The following FBXW8 variants were observed in gnomAD, a reference collection of about 807,000 sequenced individuals.
FBXW8 encodes F-box and WD repeat domain containing 8.
Under a neutral mutation model 65.3 loss-of-function variants are expected in FBXW8, and 57 were observed. The ratio of observed to expected loss-of-function variants is 0.87; its 90% CI spans 0.71 to 1.09. FBXW8 has a LOEUF of 1.09. Among genes scored for constraint, FBXW8 ranks in the 50% least tolerant of loss-of-function variants. FBXW8 has a pLI of 0.00. For missense variants in FBXW8, 777 were observed against 814.8 expected (o/e 0.95, Z 0.57); for synonymous variants, 308 against 330.2 (o/e 0.93, Z 0.73).
At chr12:116,953,263 T>A (rs1224623050) in intron 4 of FBXW8, among the ~76,000 whole-genome samples, 1 of 152,140 alleles carries the variant, frequency 6.6e-6, no homozygotes, top group Admixed American at 6.5e-5. Flanking sequence ...ACTTTAGAGA[T>A]GATGCGTTCC....
intron 4 of FBXW8, among the ~76,000 whole-genome samples, chr12:116,953,478 A>G (rs1459616245): frequency 6.6e-6 from 1 of 152,194 alleles, no homozygotes; most frequent in East Asian, 1.9e-4. Context: ...CTATTTAAAA[A>G]CAAAAGCAGC....
intron 8 of FBXW8, among the ~76,000 whole-genome samples, chr12:117,017,370 A>G (rs1014625009): frequency 4.6e-5 from 7 of 152,236 alleles, no homozygotes; most frequent in Non-Finnish European, 1.0e-4. Flanking sequence ...ATAGAATTTT[A>G]TGTTCTCTAT....
At chr12:117,014,428 A>T (rs1430478129) in intron 8 of FBXW8, among the ~76,000 whole-genome samples, 2 of 152,186 alleles carry the variant, frequency 1.3e-5, no homozygotes, top group Non-Finnish European at 1.5e-5. Context: ...TAGGGTTGAC[A>T]TCTGTTAATT....
At chr12:117,010,233 A>G in intron 7 of FBXW8, 90 bp from the exon 8 acceptor site, 1 of 1,578,144 alleles carries the variant, frequency 6.3e-7, no homozygotes, top group Non-Finnish European at 8.6e-7. Flanking sequence ...AGTGATAAGG[A>G]TCATGCCCTC....
intron 8 of FBXW8, among the ~76,000 whole-genome samples, chr12:117,023,267 C>T (rs1023341282): frequency 6.6e-6 from 1 of 152,194 alleles, no homozygotes. Context: ...AATCTTACAT[C>T]CTTGTGCTTG....
chr12:116,926,516 G>A (rs1881335563), intron 1 of FBXW8, among the ~76,000 whole-genome samples: 1 of 152,156 alleles, frequency 6.6e-6, no homozygotes, highest in Non-Finnish European at 1.5e-5. Context: ...AGAAAGTGAT[G>A]CCTCTTTTTC....
chr12:116,923,717 AATTT>A (rs567674322), intron 1 of FBXW8, among the ~76,000 whole-genome samples: 1,499 of 140,290 alleles, frequency 0.011, 31 homozygotes, highest in African/African-American at 0.038. Flanking sequence ...TTAATTAATT[AATTT>A]ATTTATTTAT....
intron 1 of FBXW8, among the ~76,000 whole-genome samples, chr12:116,920,162 C>T (rs1481240880): frequency 1.3e-5 from 2 of 152,202 alleles, no homozygotes; most frequent in African/African-American, 4.8e-5. Flanking sequence ...CCCTTTCCCC[C>T]AACTAAAAAG....
At chr12:117,011,513 T>G (rs998540920) in intron 8 of FBXW8, among the ~76,000 whole-genome samples, 1 of 152,206 alleles carries the variant, frequency 6.6e-6, no homozygotes, top group African/African-American at 2.4e-5. Flanking sequence ...CCTCAGTGTG[T>G]GTGTGGGGCA....
rs976605431 is a variant in FBXW8 at position 117,030,224 on chromosome 12, G to A, written c.*2052G>A. The A allele has an allele frequency of 6.6e-6, 1 of 152,236 alleles. No individual in the cohort carries two copies. Among genetic ancestry groups the A allele is most frequent in the African/African-American group, 2.4e-5 (1 of 41,464 alleles). The allele number at this position is 152,236 out of a possible 1,614,324, so 9.4% of individuals were successfully genotyped here. ...TCCAACTACACAGGGGAACGGAGCA[G>A]ATAGAGCTGCGACTGGGAAGCGTCA... On this transcript the variant is annotated 3_prime_UTR_variant, in exon 11 of 11. Coordinates refer to ENST00000652555, the MANE Select transcript of FBXW8 (RefSeq NM_153348.3).
chr12:117,001,226 T>C (rs1953512687), intron 7 of FBXW8, among the ~76,000 whole-genome samples: 1 of 152,300 alleles, frequency 6.6e-6, no homozygotes, highest in African/African-American at 2.4e-5. Flanking sequence ...CGTTATGCCT[T>C]AGGGAGCTGG....
At chr12:116,943,161 A>C (rs1029603638) in intron 2 of FBXW8, among the ~76,000 whole-genome samples, 2 of 152,152 alleles carry the variant, frequency 1.3e-5, no homozygotes, top group African/African-American at 2.4e-5. Flanking sequence ...TATTTGAAAT[A>C]GCTGATTTAA....
chr12:116,985,134 G>T, intron 5 of FBXW8, 72 bp from the exon 6 acceptor site: 1 of 1,381,002 alleles, frequency 7.2e-7, no homozygotes, highest in South Asian at 1.6e-5. Flanking sequence ...CCTTTGTGTT[G>T]CATGTTTTTA....
At chr12:116,932,143 T>C (rs1881818717) in intron 2 of FBXW8, among the ~76,000 whole-genome samples, 1 of 152,226 alleles carries the variant, frequency 6.6e-6, no homozygotes. Flanking sequence ...ATTACATTTA[T>C]AGATTTCTGT....
chr12:116,928,342 T>C (rs1169833741), intron 2 of FBXW8, among the ~76,000 whole-genome samples: 1 of 152,204 alleles, frequency 6.6e-6, no homozygotes, highest in South Asian at 2.1e-4. Flanking sequence ...CAAGAGCTCT[T>C]TTCTCCCTGC....
intron 1 of FBXW8, among the ~76,000 whole-genome samples, chr12:116,921,692 G>A (rs147055273): frequency 6.6e-6 from 1 of 152,058 alleles, no homozygotes; most frequent in African/African-American, 2.4e-5. Flanking sequence ...TTGCTTTTCT[G>A]TGTCTGTGAA....
At position 117,028,022 on chromosome 12, in the gene FBXW8, T is replaced by C. The variant is rs1289701818; in HGVS notation, c.1653-6T>C. 6.2e-7 allele frequency: 1 copy of C among 1,613,850 alleles called. No individual in the cohort carries two copies. Among genetic ancestry groups the C allele is most frequent in the African/African-American group, 1.3e-5 (1 of 74,936 alleles). ...TGACCTGTCACCATCTTTGTGCTCT[T>C]TCTAGACACCGGGGGCTGATCCGCG... On this transcript the variant is annotated splice_polypyrimidine_tract_variant and splice_region_variant and intron_variant, in intron 10 of 10. Coordinates refer to ENST00000652555, the MANE Select transcript of FBXW8 (RefSeq NM_153348.3). The surrounding 1 kb of genome is among the most constrained non-coding windows in gnomAD (Gnocchi z 4.1).
chr12:117,007,858 G>A (rs138509753), intron 7 of FBXW8, among the ~76,000 whole-genome samples: 2 of 152,206 alleles, frequency 1.3e-5, no homozygotes, highest in South Asian at 2.1e-4. Context: ...GGTAAAGGTC[G>A]TTAAGGGACT....
chr12:116,963,306 T>C (rs1884101530), intron 4 of FBXW8, among the ~76,000 whole-genome samples: 1 of 152,154 alleles, frequency 6.6e-6, no homozygotes, highest in Admixed American at 6.5e-5. Flanking sequence ...AGTACTTCTC[T>C]ATAAGAAATT....
Sources: allele counts gnomAD v4.1 joint callset (sites outside exome capture counted in the v4.1 genomes callset), GRCh38; gene constraint gnomAD v4.1.1; non-coding constraint Gnocchi (gnomAD v3.1); transcripts MANE v1.5; gene names NCBI Gene and HGNC (gene_info 2026-07-23, HGNC 2026-07-21).